The following DAB1 variants were observed in gnomAD, a reference collection of about 807,000 sequenced individuals.
DAB1 encodes DAB adaptor protein 1, also known as disabled homolog 1.
A neutral mutation model predicts 64.6 loss-of-function variants in DAB1; 15 were observed. The ratio of observed to expected loss-of-function variants is 0.23; its 90% CI spans 0.16 to 0.36. DAB1 has a LOEUF of 0.36. Among genes scored for constraint, DAB1 ranks in the 10% least tolerant of loss-of-function variants. The pLI, the probability that DAB1 is intolerant of heterozygous loss-of-function variation, is 1.00. For missense variants in DAB1, 596 were observed against 706.7 expected (o/e 0.84, Z 1.78); for synonymous variants, 235 against 251.9 (o/e 0.93, Z 0.64).
At chr1:57,909,592 G>T (rs1280955619) in intron 5 of DAB1, among the ~76,000 whole-genome samples, 1 of 152,090 alleles carries the variant, frequency 6.6e-6, no homozygotes, top group African/African-American at 2.4e-5. Context: ...TATGAAATGT[G>T]ATTGCCCATT....
At chr1:57,996,162 G>A (rs1459366218) in intron 5 of DAB1, among the ~76,000 whole-genome samples, 1 of 152,152 alleles carries the variant, frequency 6.6e-6, no homozygotes, top group African/African-American at 2.4e-5. Flanking sequence ...AGGAGGCTGA[G>A]GCAGGAGAAT....
intron 6 of DAB1, among the ~76,000 whole-genome samples, chr1:57,695,702 C>G (rs568908702): frequency 1.3e-5 from 2 of 152,132 alleles, no homozygotes; most frequent in Admixed American, 6.5e-5. Flanking sequence ...AGTTCGAGAC[C>G]AGCCTGAACA....
intron 1 of DAB1, among the ~76,000 whole-genome samples, chr1:57,849,161 C>T (rs1045325818): frequency 6.6e-6 from 1 of 152,096 alleles, no homozygotes; most frequent in Non-Finnish European, 1.5e-5. Flanking sequence ...AAATACCAGC[C>T]CTGGAGCACT....
intron 3 of DAB1, among the ~76,000 whole-genome samples, chr1:58,454,746 G>A (rs376561014): frequency 9.2e-5 from 14 of 152,172 alleles, no homozygotes; most frequent in South Asian, 2.1e-4. Context: ...CATCAGTTCC[G>A]CCTGTTCACA....
At chr1:57,522,094 A>G (rs367976685) in intron 7 of DAB1, among the ~76,000 whole-genome samples, 345 of 151,326 alleles carry the variant, frequency 2.3e-3, no homozygotes, top group African/African-American at 8.0e-3. Context: ...TGGGCGACAG[A>G]GCGAGACTCC....
chr1:58,263,759 ATGG>A (rs1661101132), intron 4 of DAB1, among the ~76,000 whole-genome samples: 1 of 152,204 alleles, frequency 6.6e-6, no homozygotes, highest in Admixed American at 6.5e-5. Flanking sequence ...TGTCTGTAAA[ATGG>A]TGGTAACAAT....
At position 58,209,880 on chromosome 1, in the gene DAB1, G is replaced by C. The variant is rs183975326; in HGVS notation, n.310-59292C>G. On this transcript the variant is annotated intron_variant and non_coding_transcript_variant, in intron 4 of 20. Transcript: ENST00000485760. ...ACAATTAGAAAATGAAAAAAAATAC[G>C]TAGTATAATGCAGGTGAATGTAAGG... is the stretch of plus-strand genomic sequence containing the variant. Among the ~76,000 whole-genome samples, 26 of 152,160 alleles carry C rather than the reference G, an allele frequency of 1.7e-4. No homozygotes were observed. In the East Asian group the frequency reaches 2.9e-3, roughly 17 times the overall value.
chr1:57,049,917 T>C (rs72903369), intron 9 of DAB1, among the ~76,000 whole-genome samples: 2,510 of 152,264 alleles, frequency 0.016, 59 homozygotes, highest in African/African-American at 0.057. Flanking sequence ...CTGGCAGTAT[T>C]TGTGGCAGTG....
chr1:57,378,435 GAATCT>G (rs567410773), intron 1 of DAB1, among the ~76,000 whole-genome samples: 86 of 152,250 alleles, frequency 5.6e-4, no homozygotes, highest in African/African-American at 2.1e-3. Context: ...CCTCAAATTT[GAATCT>G]TTTTCTTAAT....
intron 4 of DAB1, among the ~76,000 whole-genome samples, chr1:58,340,396 G>A (rs2100504357): frequency 6.6e-6 from 1 of 152,242 alleles, no homozygotes; most frequent in East Asian, 1.9e-4. Flanking sequence ...CTTCAACTGA[G>A]AAGTCTCTGG....
chr1:58,320,337 T>C (rs1029326412), intron 4 of DAB1, among the ~76,000 whole-genome samples: 2 of 152,238 alleles, frequency 1.3e-5, no homozygotes, highest in Non-Finnish European at 2.9e-5. Context: ...GATAATAATC[T>C]TACAATTGCC....
chr1:57,868,951 G>T (rs79824486), intron 1 of DAB1, among the ~76,000 whole-genome samples: 1,829 of 151,954 alleles, frequency 0.012, 17 homozygotes, highest in Non-Finnish European at 0.018. Context: ...TTCCTTCAAG[G>T]TTCTGTTCAA....
Position 57,291,074 on chromosome 1 carries a change from GC to G in DAB1, c.-45del. ...CACTTCACACAGATCCCGGGCCTCG[GC>G]CAGGCTCATTGAGGACTCTTCTCCA... On this transcript the variant is annotated 5_prime_UTR_variant, in exon 2 of 15. It removes the in-frame stop codon of an upstream open reading frame in the 5' UTR. Transcript: ENST00000371236. The G allele has an allele frequency of 6.9e-7, 1 of 1,445,498 alleles. No individual in the cohort carries two copies. Among genetic ancestry groups the G allele is most frequent in the Non-Finnish European group, 9.6e-7 (1 of 1,046,396 alleles). The allele number at this position is 1,445,498 out of a possible 1,614,324, so 89.5% of individuals were successfully genotyped here.
At chr1:57,932,002 A>G (rs1001151441) in intron 5 of DAB1, among the ~76,000 whole-genome samples, 2 of 152,066 alleles carry the variant, frequency 1.3e-5, no homozygotes, top group South Asian at 4.1e-4. Context: ...TTTCCCTCTA[A>G]GCACAGCTTT....
intron 4 of DAB1, among the ~76,000 whole-genome samples, chr1:58,195,856 G>T (rs1029888905): frequency 1.2e-4 from 18 of 152,150 alleles, no homozygotes; most frequent in African/African-American, 4.1e-4. Context: ...AAGTATTACT[G>T]CTATATCTAT....
chr1:58,023,851 A>G (rs1334926630), intron 5 of DAB1, among the ~76,000 whole-genome samples: 1 of 152,186 alleles, frequency 6.6e-6, no homozygotes, highest in Non-Finnish European at 1.5e-5. Flanking sequence ...AGAAATCTAG[A>G]TGGATCCTGC....
intron 1 of DAB1, among the ~76,000 whole-genome samples, chr1:57,418,346 A>G (rs1413203658): frequency 6.6e-6 from 1 of 152,268 alleles, no homozygotes; most frequent in Non-Finnish European, 1.5e-5. Context: ...AGAAACGAGG[A>G]AAGACAGAGA....
At chr1:57,638,248 A>T (rs529443229) in intron 7 of DAB1, among the ~76,000 whole-genome samples, 1 of 152,262 alleles carries the variant, frequency 6.6e-6, no homozygotes, top group Non-Finnish European at 1.5e-5. Context: ...TTACAAAAAC[A>T]TGGCATATTG....
At chr1:58,126,563 G>A (rs528020975) in intron 5 of DAB1, among the ~76,000 whole-genome samples, 233 of 150,614 alleles carry the variant, frequency 1.5e-3, no homozygotes, top group Non-Finnish European at 2.6e-3. Context: ...CCACTAACTC[G>A]TCATCTAGCA....
Sources: gnomAD v4.1 joint callset for allele counts (sites outside exome capture counted in the v4.1 genomes callset) on GRCh38, gnomAD v4.1.1 for gene constraint, MANE v1.5 for transcripts, NCBI Gene and HGNC (gene_info 2026-07-23, HGNC 2026-07-21) for gene names.